GABRR1: variants seen among roughly 807,000 people sequenced by gnomAD.
GABRR1 encodes gamma-aminobutyric acid receptor subunit rho-1.
Under a neutral mutation model 55.5 loss-of-function variants are expected in GABRR1, and 59 were observed. That is an observed-to-expected ratio of 1.06 (90% CI 0.86 to 1.32). The LOEUF (loss-of-function observed/expected upper bound fraction) is 1.32, where lower values mean the gene tolerates loss of function less well. Ranked by LOEUF, GABRR1 falls within the 40% of genes most tolerant of loss-of-function variation. The pLI is 0.00. For synonymous variants in GABRR1, 213 were observed against 226.0 expected, an observed-to-expected ratio of 0.94 and a Z score of 0.51; for missense variants, 602 against 619.1, an observed-to-expected ratio of 0.97 and a Z score of 0.29.
intron 2 of GABRR1, among the ~76,000 whole-genome samples, chr6:89,202,901 A>AT (rs1772523374): frequency 6.6e-6 from 1 of 151,824 alleles, no homozygotes; most frequent in South Asian, 2.1e-4. Flanking sequence ...TTCTGTAGAG[A>AT]TGGGGGTTCT....
At position 89,180,564 on chromosome 6, in the gene GABRR1, T is replaced by C. The variant is rs1372402254; in HGVS notation, c.950-76A>G. ...CAGGATGGTTTCATGTCTCTGCTCA[T>C]TTGTCCCTGCTGCTCCCTCAATCTA... On this transcript the variant is annotated intron_variant, in intron 8 of 9. Coordinates refer to ENST00000454853, the MANE Select transcript of GABRR1 (RefSeq NM_002042.5). The C allele has an allele frequency of 2.0e-6, 3 of 1,538,070 alleles. No homozygotes were observed. In the African/African-American group the frequency reaches 4.1e-5, roughly 21 times the overall value.
chr6:89,200,437 CAG>C (rs1215662587), intron 3 of GABRR1, among the ~76,000 whole-genome samples: 1 of 151,822 alleles, frequency 6.6e-6, no homozygotes, highest in Non-Finnish European at 1.5e-5. Flanking sequence ...TTAGTAGAGA[CAG>C]AGTTTTACCA....
Position 89,194,466 on chromosome 6 carries a change from C to T in GABRR1, c.572+3554G>A, listed in dbSNP as rs868405459. The stretch of plus-strand genomic sequence containing the variant: ...AGAAAACTGGAATAAAAAACTAATC[C>T]TTCAATGCAAAGACATAGATGTATA... On this transcript the variant is annotated intron_variant, in intron 5 of 9. Transcript: ENST00000454853. 1.2e-4 allele frequency among the ~76,000 whole-genome samples: 19 copies of T among 152,162 alleles called. No homozygotes were observed. In the Middle Eastern group the frequency reaches 0.017, roughly 136 times the overall value.
At chr6:89,205,403 C>T (rs888175372) in intron 1 of GABRR1, 14 of 152,138 alleles carry the variant, frequency 9.2e-5, no homozygotes, top group African/African-American at 3.4e-4. Context: ...CTGAATGAGC[C>T]CCAGGAGGTT....
intron 7 of GABRR1, among the ~76,000 whole-genome samples, chr6:89,182,882 G>GA (rs1274570319): frequency 1.3e-5 from 2 of 151,198 alleles, no homozygotes; most frequent in East Asian, 1.9e-4. Flanking sequence ...TCTCTATTAG[G>GA]AAAAAAAATA....
Position 89,180,450 on chromosome 6 carries a change from C to T in GABRR1, c.988G>A (p.Gly330Ser), listed in dbSNP as rs1228635560. ...ACGCGCGGCATGGAGGCATTCACGC[C>T]CGTGATGATGGTGGACATGGTCAGC... Reference protein sequence around the residue: ...TVLTMSTIITGVNASMPRVSY... With the variant: ...TVLTMSTIITSVNASMPRVSY... The change falls in exon 9 of 10, where the codon GGC becomes AGC. Residue 330 changes from glycine (G) to serine (S), a missense_variant. By Grantham distance (56) the Gly-to-Ser change is moderately conservative (BLOSUM62 0). Around this residue, in one of 3 missense-constraint regions of GABRR1, gnomAD observed 435 missense variants for 424.2 expected, o/e 1.03. Transcript: ENST00000454853. 1.1e-5 allele frequency: 18 copies of T among 1,613,828 alleles called. No homozygotes were observed. The highest frequency in any genetic ancestry group is 1.5e-5 in the Non-Finnish European group (18 of 1,179,934).
upstream of GABRR1, among the ~76,000 whole-genome samples, chr6:89,218,346 G>A (rs913720220): frequency 7.2e-5 from 11 of 152,174 alleles, no homozygotes; most frequent in African/African-American, 2.7e-4. Context: ...AAAAAAAATT[G>A]ATGAGAGAAA....
upstream of GABRR1, among the ~76,000 whole-genome samples, chr6:89,221,609 A>T (rs1470360192): frequency 6.6e-6 from 1 of 152,178 alleles, no homozygotes; most frequent in Non-Finnish European, 1.5e-5. Flanking sequence ...CCATTTTATG[A>T]AGGGACTTAA....
chr6:89,199,589 A>G (rs1292584363), intron 3 of GABRR1, among the ~76,000 whole-genome samples, 160 bp from the exon 4 acceptor site: 1 of 152,220 alleles, frequency 6.6e-6, no homozygotes, highest in Non-Finnish European at 1.5e-5. Context: ...AAAAGCATGG[A>G]ATCATAGGCT....
At chr6:89,226,352 T>C (rs1280049011) in intron 1 of GABRR1, among the ~76,000 whole-genome samples, 2 of 144,428 alleles carry the variant, frequency 1.4e-5, no homozygotes, top group African/African-American at 5.3e-5. Context: ...GCCTATGTCC[T>C]GAATGGTAAT....
At chr6:89,208,693 C>T (rs1772728843) in intron 1 of GABRR1, among the ~76,000 whole-genome samples, 1 of 152,268 alleles carries the variant, frequency 6.6e-6, no homozygotes, top group African/African-American at 2.4e-5. Context: ...AACTTCCAGC[C>T]TGCTGGTCTG....
At chr6:89,216,276 A>G (rs1772978712) in intron 1 of GABRR1, among the ~76,000 whole-genome samples, 1 of 152,168 alleles carries the variant, frequency 6.6e-6, no homozygotes, top group African/African-American at 2.4e-5. Flanking sequence ...CCTAACCCCA[A>G]ACTCCCAAAA....
At chr6:89,188,676 G>T (rs901950945) in intron 6 of GABRR1, among the ~76,000 whole-genome samples, 8 of 152,018 alleles carry the variant, frequency 5.3e-5, no homozygotes, top group Admixed American at 1.3e-4. Context: ...TCAGATAGAT[G>T]ATTTATCAAT....
At chr6:89,225,985 T>A (rs1480506330) in intron 1 of GABRR1, among the ~76,000 whole-genome samples, 1 of 151,438 alleles carries the variant, frequency 6.6e-6, no homozygotes, top group Non-Finnish European at 1.5e-5. Flanking sequence ...TATCTCATAG[T>A]GGTCTTGATT....
At chr6:89,204,484 C>G in intron 1 of GABRR1, 1 of 368,564 alleles carries the variant, frequency 2.7e-6, no homozygotes, top group Non-Finnish European at 4.8e-6. Flanking sequence ...CCCTCAATAC[C>G]TATTAGTTGA....
rs900280670 is a variant in GABRR1, at chr6:89,190,050, A to G, written c.655+115T>C. 6.1e-6 allele frequency: 4 copies of G among 653,200 alleles called. No individual in the cohort carries two copies. The East Asian group carries it at 1.2e-4, about 20-fold the overall frequency. The allele number at this position is 653,200 out of a possible 1,614,324, so 40.5% of individuals were successfully genotyped here. ...GACAGTGTGAGACTCCATCTCAAAA[A>G]AAAAAAAAAGTCTACTCATGAATAA... On this transcript the variant is annotated intron_variant, in intron 6 of 9. Transcript: ENST00000454853.
At chr6:89,210,440 T>G (rs538413026) in intron 1 of GABRR1, among the ~76,000 whole-genome samples, 2 of 152,226 alleles carry the variant, frequency 1.3e-5, no homozygotes, top group East Asian at 3.9e-4. Context: ...GCAATCCTCC[T>G]GCCTTGGCTT....
At chr6:89,185,835 CCTTT>C (rs770017172) in intron 6 of GABRR1, among the ~76,000 whole-genome samples, 2 of 152,134 alleles carry the variant, frequency 1.3e-5, no homozygotes, top group Non-Finnish European at 2.9e-5. Context: ...TTAGCCTTTT[CCTTT>C]CTTCTTTCAA....
chr6:89,205,305 G>A (rs1772608219), intron 1 of GABRR1, among the ~76,000 whole-genome samples: 1 of 152,212 alleles, frequency 6.6e-6, no homozygotes, highest in African/African-American at 2.4e-5. Flanking sequence ...CAGGAAATTG[G>A]CTTAGATGTG....
Sources: allele counts gnomAD v4.1 joint callset (sites outside exome capture counted in the v4.1 genomes callset), GRCh38; gene constraint gnomAD v4.1.1; regional missense constraint gnomAD v4.1.1; transcripts MANE v1.5; gene names NCBI Gene and HGNC (gene_info 2026-07-23, HGNC 2026-07-21).